CAST: variants seen among roughly 807,000 people sequenced by gnomAD.
CAST encodes the protein calpastatin.
A neutral mutation model predicts 119.6 loss-of-function variants in CAST; 76 were observed. The ratio of observed to expected loss-of-function variants is 0.64; its 90% CI spans 0.53 to 0.77. The LOEUF is 0.77. CAST is among the 30% of genes least tolerant of loss of function. The pLI is 0.00. For missense variants in CAST, 953 were observed against 946.5 expected (o/e 1.01, Z -0.09); for synonymous variants, 319 against 331.6 (o/e 0.96, Z 0.41).
the CAST span, among the ~76,000 whole-genome samples, chr5:96,278,222 G>C: frequency 6.6e-6 from 1 of 152,124 alleles, no homozygotes; most frequent in Non-Finnish European, 1.5e-5. Flanking sequence ...TCCCTCATCT[G>C]TGGGGGAGTG....
the CAST span, among the ~76,000 whole-genome samples, chr5:96,253,177 A>G: frequency 6.6e-6 from 1 of 152,224 alleles, no homozygotes; most frequent in African/African-American, 2.4e-5. Flanking sequence ...GGTGGTTGCT[A>G]GCTTTCTTTA....
chr5:96,531,519 C>A (rs1459843), intron 1 of CAST, among the ~76,000 whole-genome samples: 80,595 of 152,042 alleles, frequency 0.53, 21,868 homozygotes, highest in South Asian at 0.61. Flanking sequence ...TCCTAAGAAG[C>A]ACTTTAATGT....
intron 1 of CAST, among the ~76,000 whole-genome samples, chr5:96,662,744 A>C (rs1003986273): frequency 6.6e-6 from 1 of 152,154 alleles, no homozygotes; most frequent in Non-Finnish European, 1.5e-5. Context: ...GGGACGCGTC[A>C]AGAAAAGTTG....
the CAST span, among the ~76,000 whole-genome samples, chr5:96,038,821 G>A: frequency 5.3e-5 from 8 of 152,104 alleles, no homozygotes; most frequent in Non-Finnish European, 1.0e-4. Context: ...GAATAGTGCT[G>A]CAGAAAACAT....
At chr5:96,288,941 G>A in the CAST span, among the ~76,000 whole-genome samples, 15 of 152,156 alleles carry the variant, frequency 9.9e-5, no homozygotes, top group African/African-American at 3.4e-4. Flanking sequence ...GCTGGTTAAT[G>A]AGCAGGCTTT....
At chr5:96,625,153 A>AT (rs1747695879) in intron 1 of CAST, among the ~76,000 whole-genome samples, 2 of 152,132 alleles carry the variant, frequency 1.3e-5, no homozygotes, top group Admixed American at 1.3e-4. Context: ...TGCAAAGATC[A>AT]TTTTTTTCAT....
chr5:96,529,735 A>C (rs1745657214), upstream of CAST: 1 of 403,178 alleles, frequency 2.5e-6, no homozygotes, highest in Non-Finnish European at 4.9e-6. Context: ...TATCCTTGTG[A>C]TAGTGAGTCA....
the CAST span, among the ~76,000 whole-genome samples, chr5:96,048,817 T>C: frequency 6.6e-6 from 1 of 152,168 alleles, no homozygotes; most frequent in Non-Finnish European, 1.5e-5. Flanking sequence ...AAGCTCCTTC[T>C]GAAAAGAGCA....
rs112763242 is a variant in CAST, at chr5:96,717,004, T to G, written c.211-5635T>G. Among the ~76,000 whole-genome samples the G allele has an allele frequency of 6.9e-3, 1,050 of 152,280 alleles. 22 individuals are homozygous for G. Among genetic ancestry groups the G allele is most frequent in the African/African-American group, 0.024 (997 of 41,550 alleles). ...TATTAAGTGTGTTCTTGATTCCAGCTTAAAAAAAACTTAAAGTATTAAAAC... is the reference window on the plus strand; with the variant it reads ...TATTAAGTGTGTTCTTGATTCCAGCGTAAAAAAAACTTAAAGTATTAAAAC... On this transcript the variant is annotated intron_variant, in intron 3 of 31. Transcript: ENST00000675179.
chr5:96,698,636 C>T (rs779336923), intron 3 of CAST, among the ~76,000 whole-genome samples: 1 of 152,220 alleles, frequency 6.6e-6, no homozygotes, highest in Non-Finnish European at 1.5e-5. Context: ...TAAGGAATTA[C>T]ATACCCATGC....
chr5:96,135,993 G>A, the CAST span, among the ~76,000 whole-genome samples: 5 of 150,680 alleles, frequency 3.3e-5, no homozygotes, highest in Admixed American at 2.0e-4. Flanking sequence ...CCTGGGAGGC[G>A]GAGGTTGTGG....
At chr5:96,573,780 A>C (rs1005721810) in intron 1 of CAST, among the ~76,000 whole-genome samples, 5 of 152,202 alleles carry the variant, frequency 3.3e-5, no homozygotes, top group African/African-American at 9.7e-5. Context: ...CTTCTCAGAC[A>C]ATCCAACTTT....
At chr5:96,375,438 T>TG in the CAST span, among the ~76,000 whole-genome samples, 1,695 of 150,742 alleles carry the variant, frequency 0.011, 35 homozygotes, top group African/African-American at 0.039. Context: ...GTGTGTGTGT[T>TG]TTTTTTACTA....
chr5:96,179,546 G>A, the CAST span, among the ~76,000 whole-genome samples: 1 of 152,172 alleles, frequency 6.6e-6, no homozygotes, highest in Non-Finnish European at 1.5e-5. Flanking sequence ...TCAGCAGCTA[G>A]CATAGTGCCT....
At chr5:96,472,947 A>C in the CAST span, among the ~76,000 whole-genome samples, 1 of 152,150 alleles carries the variant, frequency 6.6e-6, no homozygotes, top group Non-Finnish European at 1.5e-5. Flanking sequence ...TTTTCAGTAC[A>C]TAGCAGCCCG....
At chr5:96,240,285 G>A in the CAST span, among the ~76,000 whole-genome samples, 1 of 152,032 alleles carries the variant, frequency 6.6e-6, no homozygotes, top group Admixed American at 6.5e-5. Flanking sequence ...CAATCATACT[G>A]TCAGTTCACA....
the CAST span, among the ~76,000 whole-genome samples, chr5:96,263,064 G>A: frequency 1.1e-4 from 17 of 152,138 alleles, no homozygotes; most frequent in African/African-American, 4.1e-4. Flanking sequence ...GACTGTGTTG[G>A]AATTAAGTGG....
chr5:96,470,458 C>A, the CAST span, among the ~76,000 whole-genome samples: 2 of 152,000 alleles, frequency 1.3e-5, no homozygotes, highest in Middle Eastern at 3.4e-3. Flanking sequence ...GGAAACAAGA[C>A]CAGCATCTGA....
At chr5:96,072,178 A>C in the CAST span, among the ~76,000 whole-genome samples, 1 of 151,962 alleles carries the variant, frequency 6.6e-6, no homozygotes, top group Non-Finnish European at 1.5e-5. Flanking sequence ...ATGGAGCATT[A>C]TACCTTGAGG....
Sources: gnomAD v4.1 joint callset for allele counts (sites outside exome capture counted in the v4.1 genomes callset) on GRCh38, gnomAD v4.1.1 for gene constraint, MANE v1.5 for transcripts, NCBI Gene and HGNC (gene_info 2026-07-23, HGNC 2026-07-21) for gene names.